ASTN2: variants seen among roughly 807,000 people sequenced by gnomAD.
ASTN2 encodes the protein astrotactin 2.
A neutral mutation model predicts 139.8 loss-of-function variants in ASTN2; 54 were observed. The observed-to-expected ratio is 0.39, with a 90% CI of 0.31 to 0.48. ASTN2 has a LOEUF of 0.48. Ranked by LOEUF, ASTN2 falls within the 20% of genes least tolerant of loss-of-function variation. The probability of loss-of-function intolerance (pLI) is 0.95; values close to 1 mark genes in which losing one functional copy is unlikely to be tolerated. For synonymous variants in ASTN2, 756 were observed against 719.5 expected, an observed-to-expected ratio of 1.05 and a Z score of -0.81; for missense variants, 1,565 against 1,725.1, an observed-to-expected ratio of 0.91 and a Z score of 1.64.
intron 16 of ASTN2, among the ~76,000 whole-genome samples, chr9:116,667,116 T>C (rs1342536390): frequency 2.0e-5 from 3 of 151,674 alleles, no homozygotes; most frequent in Non-Finnish European, 4.4e-5. Flanking sequence ...CCACCACCCC[T>C]GGCTAATTTT....
rs570948592 is a variant in ASTN2 at position 116,952,316 on chromosome 9, C to A, written c.1889+22892G>T. ...TTGGGCTCGCATGCAGCCACAGAAT[C>A]CTTCTCGGCCTTATGCTCCAGAGAG... On this transcript the variant is annotated intron_variant, in intron 10 of 22. Coordinates refer to ENST00000313400, the MANE Select transcript of ASTN2 (RefSeq NM_001365068.1). 5.8e-4 allele frequency among the ~76,000 whole-genome samples: 89 copies of A among 152,284 alleles called. 1 individual carries two copies. Among genetic ancestry groups the A allele is most frequent in the Non-Finnish European group, 2.6e-4 (18 of 68,024 alleles).
At chr9:117,119,185 C>T (rs777053907) in intron 4 of ASTN2, among the ~76,000 whole-genome samples, 8 of 152,170 alleles carry the variant, frequency 5.3e-5, no homozygotes, top group Non-Finnish European at 8.8e-5. Flanking sequence ...CCCACTCTGC[C>T]TGCCCTCTCA....
intron 17 of ASTN2, among the ~76,000 whole-genome samples, chr9:116,643,430 G>C (rs1857438085): frequency 6.6e-6 from 1 of 152,144 alleles, no homozygotes; most frequent in Non-Finnish European, 1.5e-5. Flanking sequence ...AGTTATAGAT[G>C]ATACGTAAAT....
At chr9:117,229,145 C>T (rs1832808816) in intron 2 of ASTN2, among the ~76,000 whole-genome samples, 1 of 152,146 alleles carries the variant, frequency 6.6e-6, no homozygotes, top group South Asian at 2.1e-4. Flanking sequence ...AATTTCCACC[C>T]CTGCTGGCAG....
intron 1 of ASTN2, among the ~76,000 whole-genome samples, chr9:117,370,294 C>G (rs1485345181): frequency 6.6e-6 from 1 of 152,120 alleles, no homozygotes; most frequent in Non-Finnish European, 1.5e-5. Context: ...AAAACAAAAG[C>G]AACTTTTCAT....
At chr9:116,786,517 T>A (rs1025818525) in intron 13 of ASTN2, among the ~76,000 whole-genome samples, 2 of 152,182 alleles carry the variant, frequency 1.3e-5, no homozygotes, top group Non-Finnish European at 2.9e-5. Context: ...GTTACTCTTA[T>A]TACTACAATC....
chr9:117,182,453 C>A (rs1165828156), intron 3 of ASTN2, among the ~76,000 whole-genome samples: 2 of 152,100 alleles, frequency 1.3e-5, no homozygotes, highest in South Asian at 2.1e-4. Context: ...CCAGGAGACA[C>A]AGGAGATATT....
At chr9:116,478,377 C>G (rs928361447) in intron 20 of ASTN2, among the ~76,000 whole-genome samples, 1 of 152,120 alleles carries the variant, frequency 6.6e-6, no homozygotes, top group African/African-American at 2.4e-5. Context: ...AAAGCCAGAA[C>G]AGAGCAGCAC....
chr9:116,945,890 T>C (rs1304429243), intron 10 of ASTN2, among the ~76,000 whole-genome samples: 1 of 152,156 alleles, frequency 6.6e-6, no homozygotes, highest in South Asian at 2.1e-4. Context: ...GAAAAGAAAT[T>C]TAACTGACTC....
At position 116,959,274 on chromosome 9, in the gene ASTN2, G is replaced by A. The variant is rs1481104786; in HGVS notation, c.1889+15934C>T. 2.0e-5 allele frequency among the ~76,000 whole-genome samples: 3 copies of A among 152,184 alleles called. 1 individual carries two copies. The highest frequency in any genetic ancestry group is 4.4e-5 in the Non-Finnish European group (3 of 68,042). ...AACGTAGCCAGATAAAGTGGCAGGT[G>A]TTGCCTGTGTTCTAGGCAGAAGGAC... On this transcript the variant is annotated intron_variant, in intron 10 of 22. Transcript: ENST00000313400.
chr9:116,808,769 G>A (rs537280718), intron 12 of ASTN2, among the ~76,000 whole-genome samples: 12 of 152,110 alleles, frequency 7.9e-5, no homozygotes, highest in East Asian at 1.9e-4. Context: ...ATCTCTACCC[G>A]TTTACAATCC....
At chr9:117,379,195 C>T (rs920847945) in intron 1 of ASTN2, among the ~76,000 whole-genome samples, 1 of 152,106 alleles carries the variant, frequency 6.6e-6, no homozygotes, top group African/African-American at 2.4e-5. Flanking sequence ...CTAATGCAGT[C>T]TTTGAGTCAA....
At chr9:117,342,340 A>G (rs1287532946) in intron 1 of ASTN2, among the ~76,000 whole-genome samples, 3 of 152,196 alleles carry the variant, frequency 2.0e-5, no homozygotes, top group Admixed American at 2.0e-4. Context: ...TCAGCTGAAA[A>G]ATGAAACAAA....
intron 5 of ASTN2, among the ~76,000 whole-genome samples, chr9:117,047,896 C>G (rs1293934377): frequency 1.3e-5 from 2 of 152,058 alleles, no homozygotes; most frequent in Non-Finnish European, 2.9e-5. Flanking sequence ...AGTAACATAG[C>G]CACTAACTTA....
intron 10 of ASTN2, among the ~76,000 whole-genome samples, chr9:116,907,029 A>T (rs975790888): frequency 1.3e-5 from 2 of 152,178 alleles, no homozygotes; most frequent in African/African-American, 4.8e-5. Context: ...TACTACGAGC[A>T]TTGCATTCAT....
chr9:116,917,676 T>G (rs1834489531), intron 10 of ASTN2, among the ~76,000 whole-genome samples: 1 of 152,160 alleles, frequency 6.6e-6, no homozygotes, highest in South Asian at 2.1e-4. Flanking sequence ...GACTTATAAA[T>G]ACTGCAGAGG....
At chr9:116,799,715 G>GGA (rs928177862) in intron 13 of ASTN2, among the ~76,000 whole-genome samples, 14 of 142,340 alleles carry the variant, frequency 9.8e-5, no homozygotes, top group African/African-American at 2.1e-4. Flanking sequence ...GTGGGGGGGG[G>GGA]GAGAATAAAA....
chr9:116,528,414 A>C, intron 19 of ASTN2, among the ~76,000 whole-genome samples: 1 of 152,168 alleles, frequency 6.6e-6, no homozygotes, highest in East Asian at 1.9e-4. Flanking sequence ...ACTTTTTTTG[A>C]AAGTGTACAG....
intron 10 of ASTN2, among the ~76,000 whole-genome samples, chr9:116,957,048 A>AT (rs1835727931): frequency 7.7e-6 from 1 of 130,658 alleles, no homozygotes; most frequent in African/African-American, 3.2e-5. Flanking sequence ...ATTCCCAGTT[A>AT]ATTTTTTTTT....
Sources: gnomAD v4.1 joint callset for allele counts (sites outside exome capture counted in the v4.1 genomes callset) on GRCh38, gnomAD v4.1.1 for gene constraint, MANE v1.5 for transcripts, NCBI Gene and HGNC (gene_info 2026-07-23, HGNC 2026-07-21) for gene names.